Variants in DAAM1 observed in about 807,000 individuals in gnomAD.
DAAM1 encodes the protein disheveled-associated activator of morphogenesis 1.
DAAM1 carries 52 observed loss-of-function variants against 130.0 expected under a neutral mutation model. That is an observed-to-expected ratio of 0.40 (90% confidence interval 0.32 to 0.50). DAAM1 has a LOEUF of 0.50. DAAM1 is among the 20% of genes least tolerant of loss of function. The pLI is 0.61. For synonymous variants in DAAM1, 452 were observed against 444.5 expected (o/e 1.02, Z -0.21); for missense variants, 1,134 against 1,303.8 (o/e 0.87, Z 2.01).
chr14:59,269,392 G>A (rs941487781), intron 2 of DAAM1, among the ~76,000 whole-genome samples: 2 of 152,182 alleles, frequency 1.3e-5, no homozygotes, highest in Non-Finnish European at 2.9e-5. Flanking sequence ...AACACATTGT[G>A]TTTCTTGGTG....
At chr14:59,330,264 G>GT (rs1195337830) in intron 12 of DAAM1, among the ~76,000 whole-genome samples, 16 of 133,216 alleles carry the variant, frequency 1.2e-4, no homozygotes, top group African/African-American at 3.7e-4. Flanking sequence ...TGTGAGTGTA[G>GT]GCTCTCTTCT....
At chr14:59,285,756 G>A (rs1883422070) in intron 2 of DAAM1, among the ~76,000 whole-genome samples, 1 of 152,148 alleles carries the variant, frequency 6.6e-6, no homozygotes, top group Admixed American at 6.6e-5. Flanking sequence ...CAATATTGGA[G>A]CACCCAGATT....
At chr14:59,336,554 A>C (rs1885634489) in intron 15 of DAAM1, among the ~76,000 whole-genome samples, 1 of 152,208 alleles carries the variant, frequency 6.6e-6, no homozygotes, top group South Asian at 2.1e-4. Context: ...TTTTATTTCT[A>C]ATGTGCCAAG....
At chr14:59,227,245 G>T (rs1888969518) in intron 1 of DAAM1, among the ~76,000 whole-genome samples, 1 of 152,162 alleles carries the variant, frequency 6.6e-6, no homozygotes, top group Non-Finnish European at 1.5e-5. Context: ...TGTGAACAAG[G>T]ATGGTGTGAA....
chr14:59,233,611 T>C (rs1254367607), intron 1 of DAAM1, among the ~76,000 whole-genome samples: 1 of 152,226 alleles, frequency 6.6e-6, no homozygotes, highest in African/African-American at 2.4e-5. Context: ...GGCTAGTTTC[T>C]TTTGCTATGC....
chr14:59,290,720 G>A (rs149204449), intron 2 of DAAM1, among the ~76,000 whole-genome samples: 152 of 152,270 alleles, frequency 1.0e-3, no homozygotes, highest in African/African-American at 3.5e-3. Context: ...CCTGTAAGCT[G>A]ACCATTGTCC....
chr14:59,235,605 A>AT (rs1217481610), intron 1 of DAAM1, among the ~76,000 whole-genome samples: 2 of 151,768 alleles, frequency 1.3e-5, no homozygotes, highest in East Asian at 1.9e-4. Context: ...GGATTCATTG[A>AT]TTTTTTTGAA....
At chr14:59,267,171 T>G (rs1882480820) in intron 2 of DAAM1, among the ~76,000 whole-genome samples, 1 of 152,246 alleles carries the variant, frequency 6.6e-6, no homozygotes. Flanking sequence ...CAGACCATCT[T>G]ACCTCTGTAT....
chr14:59,287,200 T>A (rs1230246581), intron 2 of DAAM1, among the ~76,000 whole-genome samples: 1 of 152,180 alleles, frequency 6.6e-6, no homozygotes, highest in Non-Finnish European at 1.5e-5. Context: ...TCTCTATAGA[T>A]GCAGAAGAGG....
Position 59,232,361 on chromosome 14 carries a change from C to A in DAAM1, c.-37-31080C>A, listed in dbSNP as rs28680900. ...CAGAGAACCTCTCTGTCTTAGCCTT[C>A]CTGCAGAAGACCTTTGACTTCCTTT... On this transcript the variant is annotated intron_variant, in intron 1 of 24. Transcript: ENST00000360909. Among the ~76,000 whole-genome samples, 364 of 152,288 alleles carry A rather than the reference C, an allele frequency of 2.4e-3. 1 individual carries two copies. The highest frequency in any genetic ancestry group is 8.3e-3 in the African/African-American group (344 of 41,554).
intron 1 of DAAM1, among the ~76,000 whole-genome samples, chr14:59,262,912 A>G (rs1882240795): frequency 6.6e-6 from 1 of 152,208 alleles, no homozygotes; most frequent in Non-Finnish European, 1.5e-5. Context: ...CACTTCAGTT[A>G]CCACAGCCTA....
intron 15 of DAAM1, among the ~76,000 whole-genome samples, chr14:59,333,322 T>C (rs1053408870): frequency 3.3e-5 from 5 of 152,044 alleles, no homozygotes; most frequent in African/African-American, 1.2e-4. Flanking sequence ...ACTTGGGCAA[T>C]GCTATACACA....
chr14:59,338,342 A>G (rs768923894), intron 15 of DAAM1: 28 of 1,608,526 alleles, frequency 1.7e-5, no homozygotes, highest in Non-Finnish European at 2.2e-5. Flanking sequence ...TCTGAACTGC[A>G]TATATCTGAT....
At chr14:59,349,267 A>G (rs537094392) in intron 17 of DAAM1, among the ~76,000 whole-genome samples, 1 of 152,252 alleles carries the variant, frequency 6.6e-6, no homozygotes, top group Non-Finnish European at 1.5e-5. Context: ...GTATGTTTTA[A>G]AATTCCACAA....
At chr14:59,338,370 C>T (rs773079929) in intron 15 of DAAM1, 2 of 1,613,468 alleles carry the variant, frequency 1.2e-6, no homozygotes. Flanking sequence ...TTCCATGCCT[C>T]TGCCATGGCT....
chr14:59,369,028 T>G lies in DAAM1; in HGVS notation c.*169T>G. The G allele has an allele frequency of 1.7e-6, 1 of 603,930 alleles. No individual in the cohort carries two copies. Among genetic ancestry groups the G allele is most frequent in the Admixed American group, 3.2e-5 (1 of 31,292 alleles). The allele number at this position is 603,930 out of a possible 1,614,324, so 37.4% of individuals were successfully genotyped here. Reference sequence around the variant, plus strand: ...GTATGTGTGTATATATTAAAAAATGTATATAGATGTCTGAGTGTTGTCTGG... The same window carrying G: ...GTATGTGTGTATATATTAAAAAATGGATATAGATGTCTGAGTGTTGTCTGG... On this transcript the variant is annotated 3_prime_UTR_variant, in exon 25 of 25. Coordinates refer to ENST00000360909, the MANE Select transcript of DAAM1 (RefSeq NM_001270520.2).
intron 1 of DAAM1, among the ~76,000 whole-genome samples, chr14:59,251,063 C>T (rs569165646): frequency 2.5e-4 from 38 of 152,218 alleles, no homozygotes; most frequent in African/African-American, 6.0e-4. Context: ...CCAGAGATTC[C>T]GATTTTATTG....
At chr14:59,267,945 C>G (rs532211507) in intron 2 of DAAM1, among the ~76,000 whole-genome samples, 1 of 144,384 alleles carries the variant, frequency 6.9e-6, no homozygotes, top group Non-Finnish European at 1.5e-5. Context: ...TTCTGTTACC[C>G]AGGCTGGAGT....
intron 1 of DAAM1, among the ~76,000 whole-genome samples, chr14:59,238,814 C>G (rs1357559822): frequency 1.3e-5 from 2 of 152,050 alleles, no homozygotes; most frequent in Non-Finnish European, 2.9e-5. Context: ...TTCTTAAAAC[C>G]ATTAAATGTA....
Sources: allele counts gnomAD v4.1 joint callset (sites outside exome capture counted in the v4.1 genomes callset), GRCh38; gene constraint gnomAD v4.1.1; transcripts MANE v1.5; gene names NCBI Gene and HGNC (gene_info 2026-07-23, HGNC 2026-07-21).